Variants in MLLT3 observed in about 807,000 individuals in gnomAD.
The protein encoded by MLLT3 is protein AF-9.
A neutral mutation model predicts 53.2 loss-of-function variants in MLLT3; 4 were observed. The ratio of observed to expected loss-of-function variants is 0.08; its 90% CI spans 0.04 to 0.17. The LOEUF is 0.17. Ranked by LOEUF, MLLT3 falls within the 10% of genes least tolerant of loss-of-function variation. The probability of loss-of-function intolerance (pLI) is 1.00; values close to 1 mark genes in which losing one functional copy is unlikely to be tolerated. For missense variants in MLLT3, 569 were observed against 684.0 expected, an observed-to-expected ratio of 0.83 and a Z score of 1.87; for synonymous variants, 283 against 230.6, an observed-to-expected ratio of 1.23 and a Z score of -2.06.
chr9:20,440,264 T>C (rs982116366), intron 4 of MLLT3, among the ~76,000 whole-genome samples: 1 of 152,194 alleles, frequency 6.6e-6, no homozygotes, highest in African/African-American at 2.4e-5. Flanking sequence ...TTCTTTCTGT[T>C]ATACCATGGC....
At chr9:20,444,929 A>AT (rs113540735) in intron 4 of MLLT3, among the ~76,000 whole-genome samples, 10,329 of 147,822 alleles carry the variant, frequency 0.07, 946 homozygotes, top group African/African-American at 0.21. Context: ...CTGTCTCTAC[A>AT]TTTTTTTTTT....
At position 20,516,633 on chromosome 9, in the gene MLLT3, T is replaced by C. The variant is rs1817927369; in HGVS notation, c.194-59847A>G. ...GCTTATTAGAATGCTCTATCATCTA[T>C]GGAGTGTACAGAATCATTTCCAGAT... On this transcript the variant is annotated intron_variant, in intron 2 of 10. Coordinates refer to ENST00000380338, the MANE Select transcript of MLLT3 (RefSeq NM_004529.4). Among the ~76,000 whole-genome samples the C allele has an allele frequency of 2.0e-5, 3 of 152,236 alleles. No individual in the cohort carries two copies. In the South Asian group the frequency reaches 6.2e-4, roughly 31 times the overall value.
chr9:20,504,132 T>C (rs1202216736), intron 2 of MLLT3, among the ~76,000 whole-genome samples: 4 of 152,176 alleles, frequency 2.6e-5, no homozygotes, highest in African/African-American at 4.8e-5. Flanking sequence ...ATAGCCATTA[T>C]GGAAAATTTT....
chr9:20,413,109 A>C (rs1321248604), intron 5 of MLLT3, among the ~76,000 whole-genome samples: 1 of 152,194 alleles, frequency 6.6e-6, no homozygotes, highest in Non-Finnish European at 1.5e-5. Flanking sequence ...AATGAAGAAA[A>C]ATATTAAATA....
At chr9:20,529,700 C>G (rs1252710687) in intron 2 of MLLT3, among the ~76,000 whole-genome samples, 2 of 145,504 alleles carry the variant, frequency 1.4e-5, no homozygotes, top group Non-Finnish European at 3.0e-5. Context: ...AATTCAGAGA[C>G]TAGAAAAGAT....
At chr9:20,570,704 A>G (rs1819511253) in intron 2 of MLLT3, among the ~76,000 whole-genome samples, 1 of 152,234 alleles carries the variant, frequency 6.6e-6, no homozygotes, top group African/African-American at 2.4e-5. Context: ...TAAACGATTA[A>G]CTTTCAAATT....
At chr9:20,501,832 G>C (rs1004601159) in intron 2 of MLLT3, among the ~76,000 whole-genome samples, 2 of 146,282 alleles carry the variant, frequency 1.4e-5, no homozygotes, top group Non-Finnish European at 3.0e-5. Context: ...TGTAATCCCA[G>C]CATTTTGAGA....
chr9:20,482,931 A>G (rs1030225503), intron 2 of MLLT3, among the ~76,000 whole-genome samples: 2 of 152,206 alleles, frequency 1.3e-5, no homozygotes, highest in Non-Finnish European at 2.9e-5. Context: ...TCCTAGAAAC[A>G]TATCTTCCAC....
intron 5 of MLLT3, among the ~76,000 whole-genome samples, chr9:20,409,962 T>C (rs538368769): frequency 2.0e-5 from 3 of 152,338 alleles, no homozygotes; most frequent in Admixed American, 1.3e-4. Context: ...CCCAGTGCAG[T>C]ACTTGGTATG....
At chr9:20,576,096 C>T (rs1563825803) in intron 2 of MLLT3, among the ~76,000 whole-genome samples, 1 of 152,206 alleles carries the variant, frequency 6.6e-6, no homozygotes, top group Non-Finnish European at 1.5e-5. Flanking sequence ...GCTGCTTCAC[C>T]TTGCACTTTT....
intron 5 of MLLT3, among the ~76,000 whole-genome samples, chr9:20,378,132 C>A (rs539958997): frequency 1.4e-5 from 2 of 142,662 alleles, no homozygotes; most frequent in Non-Finnish European, 2.9e-5. Context: ...TTTAAATTTT[C>A]AATTTTTTGT....
At chr9:20,539,574 G>A (rs753503708) in intron 2 of MLLT3, among the ~76,000 whole-genome samples, 65 of 152,234 alleles carry the variant, frequency 4.3e-4, no homozygotes, top group Non-Finnish European at 8.4e-4. Context: ...ATCAATTCTT[G>A]TGAGAACTGA....
intron 2 of MLLT3, among the ~76,000 whole-genome samples, chr9:20,468,871 T>C (rs557544371): frequency 6.6e-6 from 1 of 152,348 alleles, no homozygotes; most frequent in South Asian, 2.1e-4. Context: ...ACATCTGCTG[T>C]TAACACGATC....
intron 2 of MLLT3, among the ~76,000 whole-genome samples, chr9:20,615,360 GAAAAAAAAAAAAAAAAAAAAA>G (rs10601830): frequency 6.2e-5 from 3 of 48,758 alleles, no homozygotes; most frequent in Admixed American, 3.5e-4. Flanking sequence ...CAGACCATGT[GAAAAAAAAAAAAAAAAAAAAA>G]AAAAAAAAAA....
rs373840642 is a variant in MLLT3 at position 20,483,403 on chromosome 9, A to T, written c.194-26617T>A. On this transcript the variant is annotated intron_variant, in intron 2 of 10. Transcript: ENST00000380338. ...CAGGCATGCACCATTACACCTGGCT[A>T]TTTTTTTTTTTAACTTTAAGGATCT... 2.1e-3 allele frequency among the ~76,000 whole-genome samples: 309 copies of T among 143,872 alleles called. 3 individuals carry two copies. The highest frequency in any genetic ancestry group is 7.4e-3 in the African/African-American group (292 of 39,294). 94.4% of individuals were successfully genotyped at this position (143,872 alleles called of 152,430 possible).
intron 3 of MLLT3, among the ~76,000 whole-genome samples, chr9:20,449,836 A>T (rs957811074): frequency 4.6e-5 from 7 of 151,946 alleles, no homozygotes; most frequent in African/African-American, 1.5e-4. Context: ...TTCCTTCTCA[A>T]TCTTCTTCAA....
chr9:20,453,122 A>G (rs1823877170), intron 3 of MLLT3, among the ~76,000 whole-genome samples: 1 of 152,256 alleles, frequency 6.6e-6, no homozygotes. Context: ...ACATCCTAAG[A>G]AAACAAAAAA....
At chr9:20,364,809 CA>C (rs1821409558) in intron 6 of MLLT3, among the ~76,000 whole-genome samples, 1 of 152,244 alleles carries the variant, frequency 6.6e-6, no homozygotes, top group Non-Finnish European at 1.5e-5. Context: ...TATGCTAAAA[CA>C]CAAATTCTAC....
At chr9:20,596,550 G>C (rs888971854) in intron 2 of MLLT3, among the ~76,000 whole-genome samples, 2 of 152,100 alleles carry the variant, frequency 1.3e-5, no homozygotes, top group Non-Finnish European at 2.9e-5. Flanking sequence ...AATTAGCTGG[G>C]CATGGTGGTG....
Sources: gnomAD v4.1 joint callset for allele counts (sites outside exome capture counted in the v4.1 genomes callset) on GRCh38, gnomAD v4.1.1 for gene constraint, MANE v1.5 for transcripts, NCBI Gene and HGNC (gene_info 2026-07-23, HGNC 2026-07-21) for gene names.